The following FSTL1 variants were observed in gnomAD, a reference collection of about 807,000 sequenced individuals.
FSTL1 encodes follistatin like 1, also known as follistatin-related protein 1.
Under a neutral mutation model 45.9 loss-of-function variants are expected in FSTL1, and 24 were observed. The observed-to-expected ratio is 0.52, with a 90% confidence interval of 0.38 to 0.74. FSTL1 has a LOEUF of 0.74. Ranked by LOEUF, FSTL1 falls within the 30% of genes least tolerant of loss-of-function variation. The probability of loss-of-function intolerance (pLI) is 0.00; values close to 1 mark genes in which losing one functional copy is unlikely to be tolerated. For synonymous variants in FSTL1, 120 were observed against 137.6 expected (o/e 0.87, Z 0.89); for missense variants, 340 against 381.8 (o/e 0.89, Z 0.91).
intron 2 of FSTL1, among the ~76,000 whole-genome samples, chr3:120,450,065 A>C (rs1937849245): frequency 6.6e-6 from 1 of 152,064 alleles, no homozygotes; most frequent in Non-Finnish European, 1.5e-5. Context: ...TTTAACTGGA[A>C]ACTCGAGCCC....
At chr3:120,427,936 T>C (rs141212920) in intron 2 of FSTL1, among the ~76,000 whole-genome samples, 4 of 152,188 alleles carry the variant, frequency 2.6e-5, no homozygotes, top group Non-Finnish European at 5.9e-5. Context: ...GGGCCTATAC[T>C]AGGGGGAAGT....
At chr3:120,441,081 CCTGT>C (rs1207078863) in intron 2 of FSTL1, among the ~76,000 whole-genome samples, 3 of 152,168 alleles carry the variant, frequency 2.0e-5, no homozygotes, top group African/African-American at 7.2e-5. Flanking sequence ...TACTTCTTAC[CCTGT>C]CTTTGAGAGT....
chr3:120,404,332 T>TA (rs1286323277), intron 7 of FSTL1, among the ~76,000 whole-genome samples: 2 of 152,242 alleles, frequency 1.3e-5, no homozygotes, highest in Admixed American at 1.3e-4. Context: ...TTTTAATTCT[T>TA]ACCGATGTGC....
Position 120,395,421 on chromosome 3 carries a change from T to C in FSTL1, c.*1531A>G. The C allele has an allele frequency of 3.0e-6, 1 of 334,312 alleles. No individual in the cohort carries two copies. The highest frequency in any genetic ancestry group is 2.5e-5 in the South Asian group (1 of 39,786). The allele number at this position is 334,312 out of a possible 1,614,324, so 20.7% of individuals were successfully genotyped here. On this transcript the variant is annotated 3_prime_UTR_variant, in exon 11 of 11. Transcript: ENST00000295633. ...TTTTAGGATTAAATCTCCATTTTCT[T>C]CCCCCTGTTGAATCTGAAACTTTCT...
chr3:120,426,543 A>G lies in FSTL1; in HGVS notation c.64-10516T>C, dbSNP rs763811366. Reference sequence around the variant, plus strand: ...TTAAGTAGTCCCTGGGTGGTTCCTGATACCACAGACCTGCTGGGAATAGAA... The same window carrying G: ...TTAAGTAGTCCCTGGGTGGTTCCTGGTACCACAGACCTGCTGGGAATAGAA... On this transcript the variant is annotated intron_variant, in intron 2 of 10. Coordinates refer to ENST00000295633, the MANE Select transcript of FSTL1 (RefSeq NM_007085.5). Among the ~76,000 whole-genome samples the G allele has an allele frequency of 5.3e-4, 80 of 152,174 alleles. 1 individual carries two copies. The highest frequency in any genetic ancestry group is 1.3e-3 in the African/African-American group (55 of 41,434).
At position 120,395,376 on chromosome 3, in the gene FSTL1, C is replaced by A. The variant is rs1166087321; in HGVS notation, c.*1576G>T. 1 of 318,724 alleles carries A rather than the reference C, an allele frequency of 3.1e-6. No individual in the cohort carries two copies. The highest frequency in any genetic ancestry group is 9.4e-5 in the East Asian group (1 of 10,598). The allele number at this position is 318,724 out of a possible 1,614,324, so 19.7% of individuals were successfully genotyped here. A position where few individuals can be genotyped will look rare whatever the true frequency, so the allele number is the denominator to read the frequency against. ...AAGACACAGGACTAACTGTAAATGA[C>A]TGACCTCCCCAAGTCACAGTTTTAG... is the stretch of plus-strand genomic sequence containing the variant. On this transcript the variant is annotated 3_prime_UTR_variant, in exon 11 of 11. Coordinates refer to ENST00000295633, the MANE Select transcript of FSTL1 (RefSeq NM_007085.5).
At chr3:120,447,601 GGA>G (rs1937785174) in intron 2 of FSTL1, among the ~76,000 whole-genome samples, 1 of 152,116 alleles carries the variant, frequency 6.6e-6, no homozygotes. Context: ...CAAGGAAGTA[GGA>G]CACCATGGAA....
chr3:120,448,010 G>A (rs987136390), intron 2 of FSTL1, among the ~76,000 whole-genome samples: 2 of 152,202 alleles, frequency 1.3e-5, no homozygotes, highest in African/African-American at 4.8e-5. Flanking sequence ...GACATAGACT[G>A]GCATTAATAC....
intron 2 of FSTL1, among the ~76,000 whole-genome samples, chr3:120,434,610 C>A (rs113809802): frequency 6.6e-6 from 1 of 152,116 alleles, no homozygotes; most frequent in Non-Finnish European, 1.5e-5. Context: ...GAGTCATAAA[C>A]GCACACGAAC....
intron 2 of FSTL1, among the ~76,000 whole-genome samples, chr3:120,435,167 C>T (rs958888655): frequency 2.0e-5 from 3 of 152,026 alleles, no homozygotes; most frequent in African/African-American, 7.2e-5. Context: ...TGCAGTGAGC[C>T]GAGATCCTGC....
chr3:120,422,480 G>A lies in FSTL1; in HGVS notation c.64-6453C>T, dbSNP rs574900485. Among the ~76,000 whole-genome samples the A allele has an allele frequency of 6.6e-5, 10 of 152,150 alleles. 1 individual carries two copies. In the South Asian group the frequency reaches 1.0e-3, roughly 16 times the overall value. On this transcript the variant is annotated intron_variant, in intron 2 of 10. Coordinates refer to ENST00000295633, the MANE Select transcript of FSTL1 (RefSeq NM_007085.5). ...CCTTAAATATATGCAATTTTTATAT[G>A]TCAGTGATATCTCAATAAAGCTGCT...
intron 2 of FSTL1, among the ~76,000 whole-genome samples, chr3:120,432,333 T>G (rs945686491): frequency 3.9e-5 from 6 of 152,166 alleles, no homozygotes; most frequent in African/African-American, 1.4e-4. Flanking sequence ...TTGAAGCAGT[T>G]GGGATGTCAC....
chr3:120,440,595 G>C (rs571587966), intron 2 of FSTL1, among the ~76,000 whole-genome samples: 1 of 152,270 alleles, frequency 6.6e-6, no homozygotes, highest in Admixed American at 6.5e-5. Context: ...CAAGCTCTTT[G>C]GGCACAAGGT....
Position 120,395,710 on chromosome 3 carries a change from T to C in FSTL1, c.*1242A>G, listed in dbSNP as rs1461187438. On this transcript the variant is annotated 3_prime_UTR_variant, in exon 11 of 11. Transcript: ENST00000295633. ...AAGAAGGAAAAATCACAGGAACCTA[T>C]CTCCCCTCTGGACCAATGATCAGAA... 1.9e-6 allele frequency: 1 copy of C among 534,620 alleles called. No homozygotes were observed. Among genetic ancestry groups the C allele is most frequent in the Non-Finnish European group, 3.8e-6 (1 of 260,086 alleles). 33.1% of individuals were successfully genotyped at this position (534,620 alleles called of 1,614,324 possible).
chr3:120,404,748 C>T (rs1386136459), intron 7 of FSTL1, 105 bp downstream of exon 7: 1 of 719,982 alleles, frequency 1.4e-6, no homozygotes, highest in Non-Finnish European at 2.6e-6. Flanking sequence ...TTTTACGTGA[C>T]ATTCTCTCAC....
intron 2 of FSTL1, among the ~76,000 whole-genome samples, chr3:120,442,806 A>ACTGCCAGATGTCCAGTTATTTG (rs1559745442): frequency 7.3e-4 from 108 of 147,328 alleles, no homozygotes; most frequent in African/African-American, 2.7e-3. Context: ...AAAAAAAAAA[A>ACTGCCAGATGTCCAGTTATTTG]AAAAGCAGAC....
chr3:120,399,155 A>G (rs2107648423), intron 10 of FSTL1, among the ~76,000 whole-genome samples: 1 of 152,330 alleles, frequency 6.6e-6, no homozygotes, highest in East Asian at 1.9e-4. Context: ...CGGTCTACGG[A>G]CAGGTAATGG....
intron 2 of FSTL1, among the ~76,000 whole-genome samples, chr3:120,434,645 T>C (rs928948842): frequency 6.6e-6 from 1 of 152,214 alleles, no homozygotes; most frequent in Non-Finnish European, 1.5e-5. Flanking sequence ...GAACATCCTC[T>C]AACTAAAAAA....
intron 6 of FSTL1, among the ~76,000 whole-genome samples, chr3:120,407,889 C>T (rs1105220): frequency 0.062 from 9,421 of 152,164 alleles, 928 homozygotes; most frequent in African/African-American, 0.21. Context: ...CAGAAGGGAG[C>T]CTGTAAAAGT....
Sources: allele counts gnomAD v4.1 joint callset (sites outside exome capture counted in the v4.1 genomes callset), GRCh38; gene constraint gnomAD v4.1.1; transcripts MANE v1.5; gene names NCBI Gene and HGNC (gene_info 2026-07-23, HGNC 2026-07-21).